Variants in ERC2 observed in about 807,000 individuals in gnomAD.
ERC2 encodes ELKS/RAB6-interacting/CAST family member 2.
ERC2 carries 42 observed loss-of-function variants against 114.8 expected under a neutral mutation model. The observed-to-expected ratio is 0.37, with a 90% CI of 0.29 to 0.47. The LOEUF is 0.47. Among genes scored for constraint, ERC2 ranks in the 20% least tolerant of loss-of-function variants. The pLI is 0.99. For missense variants in ERC2, 939 were observed against 1,150.7 expected (o/e 0.82, Z 2.66); for synonymous variants, 454 against 425.5 (o/e 1.07, Z -0.82).
chr3:55,929,085 C>T (rs1483635497), intron 13 of ERC2, among the ~76,000 whole-genome samples: 4 of 152,152 alleles, frequency 2.6e-5, no homozygotes, highest in African/African-American at 9.7e-5. Flanking sequence ...TGACCAAGAT[C>T]CCTCTTCCTC....
chr3:56,215,907 G>A (rs1266311432), intron 3 of ERC2, among the ~76,000 whole-genome samples: 18 of 152,074 alleles, frequency 1.2e-4, no homozygotes, highest in African/African-American at 3.9e-4. Flanking sequence ...GGTACATAAC[G>A]AAATGAAGGC....
chr3:56,393,696 A>C (rs1209253011), intron 2 of ERC2, among the ~76,000 whole-genome samples: 1 of 152,214 alleles, frequency 6.6e-6, no homozygotes, highest in Non-Finnish European at 1.5e-5. Context: ...TGAATGAATG[A>C]ATAAACTGAA....
intron 3 of ERC2, among the ~76,000 whole-genome samples, chr3:56,229,862 CTTTTT>C (rs34357962): frequency 1.4e-4 from 8 of 56,626 alleles, no homozygotes; most frequent in Non-Finnish European, 9.7e-5. Flanking sequence ...AATATCTAGT[CTTTTT>C]TTTTTTTTTT....
chr3:55,650,257 C>A (rs752670556), intron 17 of ERC2, among the ~76,000 whole-genome samples: 10 of 152,170 alleles, frequency 6.6e-5, no homozygotes, highest in Non-Finnish European at 1.0e-4. Context: ...CAAAAAGAGT[C>A]CTCGCAAGGC....
At chr3:56,384,811 G>A (rs2059877537) in intron 2 of ERC2, among the ~76,000 whole-genome samples, 1 of 151,902 alleles carries the variant, frequency 6.6e-6, no homozygotes, top group African/African-American at 2.4e-5. Flanking sequence ...ATGTTTTATG[G>A]TTTCAACTCT....
chr3:56,086,698 T>G (rs1270811055), intron 6 of ERC2, among the ~76,000 whole-genome samples: 1 of 152,028 alleles, frequency 6.6e-6, no homozygotes, highest in Non-Finnish European at 1.5e-5. Context: ...AAAAATGCAT[T>G]CTATTAAAAA....
chr3:55,751,029 A>C (rs895578998), intron 14 of ERC2, among the ~76,000 whole-genome samples: 4 of 152,196 alleles, frequency 2.6e-5, no homozygotes, highest in Non-Finnish European at 2.9e-5. Flanking sequence ...TGTTGGCAAA[A>C]AATATTTTTT....
chr3:55,930,908 G>GA (rs912642190), intron 13 of ERC2, among the ~76,000 whole-genome samples: 3 of 151,342 alleles, frequency 2.0e-5, no homozygotes, highest in African/African-American at 4.8e-5. Flanking sequence ...AAATTTACAG[G>GA]AAAAAAAACA....
chr3:56,454,858 CAGAA>C (rs1559525249), intron 1 of ERC2, among the ~76,000 whole-genome samples: 7 of 21,634 alleles, frequency 3.2e-4, no homozygotes, highest in Admixed American at 1.3e-3. Context: ...GACTCTGTCT[CAGAA>C]AAAAAAAAAA....
chr3:55,957,747 C>T (rs1185343687), intron 12 of ERC2, among the ~76,000 whole-genome samples: 1 of 152,158 alleles, frequency 6.6e-6, no homozygotes, highest in Non-Finnish European at 1.5e-5. Context: ...GGGGCAGCTC[C>T]AGGCGCCTGC....
chr3:55,590,842 T>TC (rs1234481424), intron 17 of ERC2, among the ~76,000 whole-genome samples: 1 of 152,178 alleles, frequency 6.6e-6, no homozygotes, highest in African/African-American at 2.4e-5. Flanking sequence ...CATTTTTTTT[T>TC]CTTTGAGACA....
chr3:56,344,549 A>C (rs774348677), intron 2 of ERC2, among the ~76,000 whole-genome samples: 1 of 152,172 alleles, frequency 6.6e-6, no homozygotes, highest in Non-Finnish European at 1.5e-5. Context: ...AAAAAACATC[A>C]TCCTCTAAGA....
intron 7 of ERC2, among the ~76,000 whole-genome samples, chr3:56,069,543 G>A (rs2076630947): frequency 6.6e-6 from 1 of 152,106 alleles, no homozygotes; most frequent in Non-Finnish European, 1.5e-5. Flanking sequence ...GCATCTCTCT[G>A]GAGGCTCTAG....
At chr3:55,599,781 A>C (rs988546576) in intron 17 of ERC2, among the ~76,000 whole-genome samples, 2 of 152,214 alleles carry the variant, frequency 1.3e-5, no homozygotes, top group African/African-American at 4.8e-5. Flanking sequence ...TTTCTACCAA[A>C]TTATTTATTT....
rs147824845 is a variant in ERC2, at chr3:56,450,187, C to T, written c.-140-15040G>A. Among the ~76,000 whole-genome samples the T allele has an allele frequency of 1.3e-4, 20 of 152,318 alleles. No individual in the cohort carries two copies. In the East Asian group the frequency reaches 3.7e-3, roughly 28 times the overall value. On this transcript the variant is annotated intron_variant, in intron 1 of 17. Coordinates refer to ENST00000288221, the MANE Select transcript of ERC2 (RefSeq NM_015576.3). ...CAAAAAGCTCTATGAAACTCAAACA[C>T]GCCTATCCACACATCAGTACTCTCT... is the stretch of plus-strand genomic sequence containing the variant.
chr3:55,637,582 C>T (rs2060009871), intron 17 of ERC2, among the ~76,000 whole-genome samples: 1 of 152,228 alleles, frequency 6.6e-6, no homozygotes, highest in African/African-American at 2.4e-5. Flanking sequence ...AAATCCAAGT[C>T]TCTGCCCCTG....
intron 15 of ERC2, among the ~76,000 whole-genome samples, chr3:55,705,101 T>C (rs900267217): frequency 6.6e-6 from 1 of 151,974 alleles, no homozygotes; most frequent in African/African-American, 2.4e-5. Context: ...CAAAGATGAA[T>C]AGGACATGAG....
intron 6 of ERC2, among the ~76,000 whole-genome samples, chr3:56,083,642 A>C (rs2077354595): frequency 6.6e-6 from 1 of 152,200 alleles, no homozygotes; most frequent in Non-Finnish European, 1.5e-5. Flanking sequence ...AGAGAGGTCA[A>C]AACAAAACAA....
chr3:56,351,141 C>T (rs191594794), intron 2 of ERC2, among the ~76,000 whole-genome samples: 2 of 152,104 alleles, frequency 1.3e-5, no homozygotes, highest in Admixed American at 1.3e-4. Flanking sequence ...CCTAGGTAAA[C>T]TAACAACCCC....
Sources: gnomAD v4.1 joint callset for allele counts (sites outside exome capture counted in the v4.1 genomes callset) on GRCh38, gnomAD v4.1.1 for gene constraint, MANE v1.5 for transcripts, NCBI Gene and HGNC (gene_info 2026-07-23, HGNC 2026-07-21) for gene names.